Variants in NBAS observed in about 807,000 individuals in gnomAD.
The protein encoded by NBAS is NBAS subunit of NRZ tethering complex, also known as NAG/BC035112 fusion.
In NBAS, 219 loss-of-function variants were observed where a neutral mutation model predicts 302.5. The ratio of observed to expected loss-of-function variants is 0.72; its 90% CI spans 0.65 to 0.81. The LOEUF is 0.81. Among genes scored for constraint, NBAS ranks in the 30% least tolerant of loss-of-function variants. The probability of loss-of-function intolerance (pLI) is 0.00; values close to 1 mark genes in which losing one functional copy is unlikely to be tolerated. For missense variants in NBAS, 2,932 were observed against 2,841.6 expected (o/e 1.03, Z -0.72); for synonymous variants, 1,118 against 1,021.6 (o/e 1.09, Z -1.80).
At chr2:14,841,096 G>A in the NBAS span, among the ~76,000 whole-genome samples, 21 of 151,876 alleles carry the variant, frequency 1.4e-4, no homozygotes, top group African/African-American at 5.1e-4. Context: ...TTTTCTTTGT[G>A]ATCTAAGTTG....
At chr2:15,104,620 C>T in the NBAS span, among the ~76,000 whole-genome samples, 2 of 151,882 alleles carry the variant, frequency 1.3e-5, no homozygotes. Flanking sequence ...CTTAAGGAAT[C>T]GCCACACTGT....
At chr2:15,322,334 A>G (rs1055023203) in intron 38 of NBAS, among the ~76,000 whole-genome samples, 2 of 152,152 alleles carry the variant, frequency 1.3e-5, no homozygotes, top group African/African-American at 4.8e-5. Context: ...ACATGCATAC[A>G]TATGTAACAA....
the NBAS span, among the ~76,000 whole-genome samples, chr2:15,058,111 A>G: frequency 6.6e-6 from 1 of 152,224 alleles, no homozygotes; most frequent in East Asian, 1.9e-4. Context: ...CCAAAGGAAA[A>G]GAAGTTATTA....
At chr2:14,833,519 T>C in the NBAS span, among the ~76,000 whole-genome samples, 1 of 152,154 alleles carries the variant, frequency 6.6e-6, no homozygotes, top group Non-Finnish European at 1.5e-5. Context: ...GCCTGGTACA[T>C]ACGTGATCAA....
the NBAS span, among the ~76,000 whole-genome samples, chr2:14,989,452 G>A: frequency 2.6e-5 from 4 of 152,090 alleles, no homozygotes; most frequent in Non-Finnish European, 5.9e-5. Context: ...CAGCTACTCG[G>A]GAGTCTGAGG....
At chr2:15,108,399 T>C in the NBAS span, among the ~76,000 whole-genome samples, 11 of 152,106 alleles carry the variant, frequency 7.2e-5, no homozygotes, top group Non-Finnish European at 1.3e-4. Context: ...ATATGGGATA[T>C]AAACCCAAGT....
chr2:14,820,332 A>G, the NBAS span, among the ~76,000 whole-genome samples: 7 of 152,376 alleles, frequency 4.6e-5, no homozygotes, highest in Middle Eastern at 6.8e-3. Flanking sequence ...CTATTCAGCC[A>G]TAAAAAAGAA....
At chr2:15,526,348 TCA>T (rs1451557354) in intron 9 of NBAS, among the ~76,000 whole-genome samples, 4 of 152,178 alleles carry the variant, frequency 2.6e-5, no homozygotes, top group Non-Finnish European at 5.9e-5. Context: ...ATTTACCACC[TCA>T]GTTTCTCTTC....
the NBAS span, among the ~76,000 whole-genome samples, chr2:15,097,733 C>T: frequency 6.6e-6 from 1 of 150,830 alleles, no homozygotes; most frequent in African/African-American, 2.4e-5. Flanking sequence ...AAAGGCCCCA[C>T]CACCTAACAC....
intron 25 of NBAS, among the ~76,000 whole-genome samples, chr2:15,412,734 G>GTGATTCTTAA (rs1676738406): frequency 6.6e-6 from 1 of 152,150 alleles, no homozygotes; most frequent in African/African-American, 2.4e-5. Context: ...CACAATAGAA[G>GTGATTCTTAA]TCACTGTGTC....
At chr2:15,527,099 G>GA (rs55822372) in intron 9 of NBAS, among the ~76,000 whole-genome samples, 81,816 of 137,156 alleles carry the variant, frequency 0.6, 24,567 homozygotes, top group Non-Finnish European at 0.69. Context: ...AGGGACAAGA[G>GA]AAAAAAAAAA....
intron 7 of NBAS, chr2:15,538,377 G>A: frequency 2.2e-6 from 1 of 447,430 alleles, no homozygotes; most frequent in Non-Finnish European, 4.5e-6. Flanking sequence ...CATTATTTCT[G>A]AAAAAAAAAT....
At chr2:15,395,779 T>A (rs1369205984) in intron 27 of NBAS, among the ~76,000 whole-genome samples, 1 of 152,036 alleles carries the variant, frequency 6.6e-6, no homozygotes, top group Non-Finnish European at 1.5e-5. Context: ...ATACAATACT[T>A]AAAGTTAAAT....
intron 51 of NBAS, among the ~76,000 whole-genome samples, chr2:15,174,408 C>T (rs978168084): frequency 2.6e-5 from 4 of 152,130 alleles, no homozygotes; most frequent in African/African-American, 9.7e-5. Context: ...CTGAGAAAAT[C>T]CCCAGGGCAG....
At chr2:15,162,337 C>G (rs535519690), downstream of NBAS, among the ~76,000 whole-genome samples, 3 of 152,166 alleles carry the variant, frequency 2.0e-5, no homozygotes, top group Non-Finnish European at 4.4e-5. Flanking sequence ...TCAGAACCCC[C>G]CTAGGTCATC....
At chr2:15,210,865 C>T (rs1666375675) in intron 48 of NBAS, among the ~76,000 whole-genome samples, 1 of 152,062 alleles carries the variant, frequency 6.6e-6, no homozygotes. Flanking sequence ...TGAAATAAGC[C>T]AGGCACGGAA....
chr2:14,907,631 G>A, the NBAS span: 14 of 152,216 alleles, frequency 9.2e-5, no homozygotes, highest in East Asian at 2.3e-3. Flanking sequence ...ACTTCTTCCC[G>A]AGTGCCTCCC....
chr2:15,427,568 A>T, intron 22 of NBAS, 143 bp downstream of exon 22: 1 of 687,770 alleles, frequency 1.5e-6, no homozygotes, highest in Non-Finnish European at 2.6e-6. Flanking sequence ...ACTGAGTCAA[A>T]GGAGTTTAAA....
In NBAS at chr2:15,238,342, T is replaced by C. The variant is rs554454235; in HGVS notation, c.5943+126A>G. On this transcript the variant is annotated intron_variant, in intron 45 of 51. Coordinates refer to ENST00000281513, the MANE Select transcript of NBAS (RefSeq NM_015909.4). The stretch of plus-strand genomic sequence containing the variant: ...ATGAAGAGGTTAACCAATAAAGGCT[T>C]GCGGACAATTTTCAAGGATATCTGC... The C allele has an allele frequency of 3.5e-4, 314 of 900,978 alleles. No homozygotes were observed. The African/African-American group carries it at 3.8e-3, about 11-fold the overall frequency. The allele number at this position is 900,978 out of a possible 1,614,324, so 55.8% of individuals were successfully genotyped here.
Sources: gnomAD v4.1 joint callset for allele counts (sites outside exome capture counted in the v4.1 genomes callset) on GRCh38, gnomAD v4.1.1 for gene constraint, MANE v1.5 for transcripts, NCBI Gene and HGNC (gene_info 2026-07-23, HGNC 2026-07-21) for gene names.